Variants in PTPRK observed in about 807,000 individuals in gnomAD.
PTPRK encodes protein tyrosine phosphatase receptor type K.
Under a neutral mutation model 178.0 loss-of-function variants are expected in PTPRK, and 75 were observed. The ratio of observed to expected loss-of-function variants is 0.42; its 90% CI spans 0.35 to 0.51. The LOEUF (loss-of-function observed/expected upper bound fraction) is 0.51. PTPRK is among the 20% of genes least tolerant of loss of function. The pLI is 0.02. For missense variants in PTPRK, 1,441 were observed against 1,797.8 expected, an observed-to-expected ratio of 0.80 and a Z score of 3.59; for synonymous variants, 637 against 620.6, an observed-to-expected ratio of 1.03 and a Z score of -0.39.
intron 15 of PTPRK, chr6:128,001,104 C>A: frequency 9.5e-7 from 1 of 1,054,020 alleles, no homozygotes. Flanking sequence ...GGTACACGTA[C>A]TAATCATTAT....
chr6:128,153,744 C>A (rs567018648), intron 7 of PTPRK, among the ~76,000 whole-genome samples: 3 of 151,976 alleles, frequency 2.0e-5, no homozygotes, highest in African/African-American at 7.2e-5. Flanking sequence ...AGATACAATA[C>A]CTGCTAAATA....
chr6:128,121,268 G>T (rs1339512642), intron 7 of PTPRK, among the ~76,000 whole-genome samples: 1 of 151,980 alleles, frequency 6.6e-6, no homozygotes, highest in African/African-American at 2.4e-5. Flanking sequence ...AGGAAATTTA[G>T]TTTTAATCAG....
At chr6:128,222,211 C>A (rs1214674266) in intron 5 of PTPRK, among the ~76,000 whole-genome samples, 1 of 152,200 alleles carries the variant, frequency 6.6e-6, no homozygotes, top group African/African-American at 2.4e-5. Context: ...TTCTGAGTAT[C>A]CTTAATGTTT....
intron 25 of PTPRK, among the ~76,000 whole-genome samples, chr6:127,978,022 G>A (rs989496257): frequency 5.3e-5 from 8 of 152,194 alleles, no homozygotes; most frequent in Non-Finnish European, 1.2e-4. Context: ...ACAGGAACTG[G>A]TTCTTGGACT....
At chr6:128,027,010 A>G (rs1205181452) in intron 13 of PTPRK, among the ~76,000 whole-genome samples, 3 of 152,152 alleles carry the variant, frequency 2.0e-5, no homozygotes, top group Non-Finnish European at 4.4e-5. Context: ...ACTCCTTTTT[A>G]TGACTTGACT....
Position 128,277,475 on chromosome 6 carries a change from G to T in PTPRK, c.496-34873C>A, listed in dbSNP as rs376253697. ...GAGAATTAAGTTAAAGAGAAGAGAG[G>T]TCAGAAAATAATCATATGTTACTCT... On this transcript the variant is annotated intron_variant, in intron 3 of 29. Transcript: ENST00000368226. 6.1e-4 allele frequency among the ~76,000 whole-genome samples: 93 copies of T among 152,240 alleles called. No individual in the cohort carries two copies. The South Asian group carries it at 0.012, about 20-fold the overall frequency.
At chr6:128,036,384 G>T (rs1776216259) in intron 13 of PTPRK, among the ~76,000 whole-genome samples, 1 of 152,144 alleles carries the variant, frequency 6.6e-6, no homozygotes, top group South Asian at 2.1e-4. Context: ...TAGTAACTTT[G>T]TAGGTAAGAA....
intron 1 of PTPRK, among the ~76,000 whole-genome samples, chr6:128,501,586 G>C (rs770005213): frequency 1.3e-4 from 20 of 152,156 alleles, no homozygotes; most frequent in Non-Finnish European, 2.8e-4. Flanking sequence ...TTTCCATTTA[G>C]CGCTACATTA....
At chr6:128,033,872 A>C (rs1349029724) in intron 13 of PTPRK, among the ~76,000 whole-genome samples, 1 of 152,096 alleles carries the variant, frequency 6.6e-6, no homozygotes, top group East Asian at 1.9e-4. Context: ...CAAAAAAAAA[A>C]AGTTAAAGTA....
intron 7 of PTPRK, among the ~76,000 whole-genome samples, chr6:128,105,009 G>C (rs1433787255): frequency 6.6e-6 from 1 of 151,816 alleles, no homozygotes; most frequent in Admixed American, 6.6e-5. Flanking sequence ...TATCAAACTA[G>C]TTTAATGATA....
intron 1 of PTPRK, among the ~76,000 whole-genome samples, chr6:128,448,481 C>T (rs1413282468): frequency 6.6e-6 from 1 of 152,124 alleles, no homozygotes; most frequent in East Asian, 1.9e-4. Context: ...TCACATCCTC[C>T]TCTGCTAAAC....
chr6:128,089,739 T>C lies in PTPRK; in HGVS notation c.1416A>G (p.Pro472=). 1 of 1,613,222 alleles carries C rather than the reference T, an allele frequency of 6.2e-7. No individual in the cohort carries two copies. Among genetic ancestry groups the C allele is most frequent in the Non-Finnish European group, 8.5e-7 (1 of 1,179,142 alleles). ...TCTCTTCACTCTCCTTCCTTCCCTC[T>C]GGATTGGTTAGGATCATCTTGAGGC... is the stretch of plus-strand genomic sequence containing the variant. ...NVSLKMILTN[P]EGRKESEETI... is the part of the protein sequence containing the mutation. Residue 472 remains proline (P), a synonymous_variant, in exon 8 of 30, where the codon CCA becomes CCG. Coordinates refer to ENST00000368226, the MANE Select transcript of PTPRK (RefSeq NM_002844.4).
At chr6:128,036,513 T>A (rs1562473898) in intron 13 of PTPRK, among the ~76,000 whole-genome samples, 2 of 152,238 alleles carry the variant, frequency 1.3e-5, no homozygotes, top group Non-Finnish European at 2.9e-5. Flanking sequence ...GGACAAGTAC[T>A]ACGATGTGAG....
chr6:128,020,931 G>A (rs987646539), intron 13 of PTPRK, among the ~76,000 whole-genome samples: 2 of 152,164 alleles, frequency 1.3e-5, no homozygotes, highest in East Asian at 3.9e-4. Flanking sequence ...CGTTAATAGA[G>A]GTTGCACTAC....
At chr6:128,131,052 T>C (rs1175927197) in intron 7 of PTPRK, among the ~76,000 whole-genome samples, 1 of 152,198 alleles carries the variant, frequency 6.6e-6, no homozygotes, top group Non-Finnish European at 1.5e-5. Flanking sequence ...TTGTGCACCA[T>C]TTTCTTTCTC....
chr6:128,459,588 T>A (rs950167078), intron 1 of PTPRK, among the ~76,000 whole-genome samples: 5 of 152,182 alleles, frequency 3.3e-5, no homozygotes, highest in African/African-American at 1.2e-4. Flanking sequence ...CTCTATAGAC[T>A]GCAAGAAAAT....
intron 2 of PTPRK, among the ~76,000 whole-genome samples, chr6:128,369,282 T>C (rs957914549): frequency 6.6e-6 from 1 of 152,166 alleles, no homozygotes; most frequent in East Asian, 1.9e-4. Context: ...AAGTACAGTT[T>C]AACTTTGAAG....
At chr6:128,149,535 C>A (rs1347889153) in intron 7 of PTPRK, among the ~76,000 whole-genome samples, 2 of 152,220 alleles carry the variant, frequency 1.3e-5, no homozygotes, top group African/African-American at 2.4e-5. Context: ...TAGTCCAGTT[C>A]TAATCTAGTA....
intron 13 of PTPRK, among the ~76,000 whole-genome samples, chr6:128,042,228 AT>A (rs1777307146): frequency 6.6e-6 from 1 of 152,042 alleles, no homozygotes; most frequent in South Asian, 2.1e-4. Context: ...GTTTTTAGAT[AT>A]CAATTACAGT....
Sources: gnomAD v4.1 joint callset for allele counts (sites outside exome capture counted in the v4.1 genomes callset) on GRCh38, gnomAD v4.1.1 for gene constraint, MANE v1.5 for transcripts, NCBI Gene and HGNC (gene_info 2026-07-23, HGNC 2026-07-21) for gene names.